Variants in ATL1 observed in about 807,000 individuals in gnomAD.
ATL1 encodes atlastin-1.
ATL1 carries 31 observed loss-of-function variants against 75.5 expected under a neutral mutation model. That is an observed-to-expected ratio of 0.41 (90% confidence interval 0.31 to 0.55). The LOEUF is 0.55. Ranked by LOEUF, ATL1 falls within the 20% of genes least tolerant of loss-of-function variation. ATL1 has a pLI of 0.27. For synonymous variants in ATL1, 226 were observed against 233.3 expected (o/e 0.97, Z 0.28); for missense variants, 405 against 662.6 (o/e 0.61, Z 4.27).
chr14:50,630,131 TAAC>T (rs1238261253), intron 13 of ATL1, 122 bp downstream of exon 13: 1 of 622,968 alleles, frequency 1.6e-6, no homozygotes, highest in Non-Finnish European at 2.6e-6. Flanking sequence ...TGGTGACTTC[TAAC>T]ATTTAAATTT....
In ATL1 at chr14:50,629,931, TA is replaced by T. The variant is rs1384339612; in HGVS notation, c.1552-62del. On this transcript the variant is annotated intron_variant, in intron 12 of 13. Coordinates refer to ENST00000358385, the MANE Select transcript of ATL1 (RefSeq NM_015915.5). ...TTAATATTGTAAGCAAAGTTGATTA[TA>T]ATGCTGTTAATAAAGCAGGATATAT... 1.6e-4 allele frequency: 198 copies of T among 1,276,406 alleles called. 1 individual carries two copies. The Admixed American group carries it at 3.9e-3, about 25-fold the overall frequency. 79.1% of individuals were successfully genotyped at this position (1,276,406 alleles called of 1,614,324 possible).
At chr14:50,547,655 G>C (rs192319402) in intron 1 of ATL1, among the ~76,000 whole-genome samples, 1 of 152,308 alleles carries the variant, frequency 6.6e-6, no homozygotes, top group Admixed American at 6.5e-5. Flanking sequence ...AAAGCCAAAT[G>C]GCACTTGGAA....
intron 1 of ATL1, among the ~76,000 whole-genome samples, chr14:50,547,208 A>G (rs2038644673): frequency 6.6e-6 from 1 of 152,268 alleles, no homozygotes; most frequent in Admixed American, 6.5e-5. Flanking sequence ...ATAAACTGCT[A>G]AAAACGAATG....
At chr14:50,564,560 A>G (rs2140179160) in intron 1 of ATL1, among the ~76,000 whole-genome samples, 1 of 145,982 alleles carries the variant, frequency 6.9e-6, no homozygotes, top group East Asian at 2.2e-4. Context: ...GAGGCAGGAG[A>G]ATCGCTTGAA....
intron 5 of ATL1, among the ~76,000 whole-genome samples, chr14:50,594,490 A>T (rs935869204): frequency 6.6e-6 from 1 of 152,152 alleles, no homozygotes; most frequent in African/African-American, 2.4e-5. Flanking sequence ...CAGACATTTA[A>T]AAAAAACACA....
Position 50,560,175 on chromosome 14 carries a change from C to A in ATL1, c.-91C>A. ...CTGAGCGAACTGCGCCCAGCGCGGG[C>A]ACGGAGCCTCCCACCGCCAGCAACC... On this transcript the variant is annotated 5_prime_UTR_variant, in exon 1 of 14. Coordinates refer to ENST00000358385, the MANE Select transcript of ATL1 (RefSeq NM_015915.5). 1 of 1,507,960 alleles carries A rather than the reference C, an allele frequency of 6.6e-7. No individual in the cohort carries two copies. Among genetic ancestry groups the A allele is most frequent in the Non-Finnish European group, 9.1e-7 (1 of 1,095,764 alleles). 93.4% of individuals were successfully genotyped at this position (1,507,960 alleles called of 1,614,324 possible). A position where few individuals can be genotyped will look rare whatever the true frequency, so the allele number is the denominator to read the frequency against.
intron 1 of ATL1, among the ~76,000 whole-genome samples, chr14:50,541,216 A>G (rs578200985): frequency 1.3e-5 from 2 of 152,368 alleles, no homozygotes; most frequent in Admixed American, 6.5e-5. Flanking sequence ...CTTCTGTTCT[A>G]TGATAGAGTA....
At chr14:50,570,538 G>C (rs570447559) in intron 1 of ATL1, among the ~76,000 whole-genome samples, 1 of 152,216 alleles carries the variant, frequency 6.6e-6, no homozygotes, top group East Asian at 1.9e-4. Context: ...ACCTTGCTCA[G>C]TGTGGAATTT....
At chr14:50,617,489 T>C (rs2039426459) in intron 8 of ATL1, among the ~76,000 whole-genome samples, 2 of 152,208 alleles carry the variant, frequency 1.3e-5, no homozygotes, top group Admixed American at 1.3e-4. Flanking sequence ...TGAGAATGCA[T>C]AGTCAAATGC....
upstream of ATL1, among the ~76,000 whole-genome samples, chr14:50,556,118 G>C (rs1367305031): frequency 6.6e-6 from 1 of 152,136 alleles, no homozygotes; most frequent in African/African-American, 2.4e-5. Context: ...CTTTTATTCT[G>C]ATTTAAAATG....
chr14:50,605,704 A>C (rs2039312013), intron 6 of ATL1, among the ~76,000 whole-genome samples: 1 of 152,072 alleles, frequency 6.6e-6, no homozygotes, highest in South Asian at 2.1e-4. Context: ...TTTAATAAAC[A>C]GCTGGATTAT....
chr14:50,540,586 A>G (rs1228786655), intron 1 of ATL1, among the ~76,000 whole-genome samples: 1 of 152,190 alleles, frequency 6.6e-6, no homozygotes, highest in Admixed American at 6.5e-5. Flanking sequence ...CTGGAGGTTA[A>G]TTGATATTAG....
In ATL1 at chr14:50,591,088, C is replaced by T; in HGVS notation, c.417+13C>T. 1 of 1,611,448 alleles carries T rather than the reference C, an allele frequency of 6.2e-7. No homozygotes were observed. Among genetic ancestry groups the T allele is most frequent in the Non-Finnish European group, 8.5e-7 (1 of 1,178,492 alleles). On this transcript the variant is annotated intron_variant, in intron 3 of 13. Transcript: ENST00000358385. ...TGATGGTAAAAAGGTATGATGCTAA[C>T]TTCCTAAATAAAATTGAGTTTTCAC...
At chr14:50,547,921 C>G (rs1036983390) in intron 1 of ATL1, among the ~76,000 whole-genome samples, 1 of 152,204 alleles carries the variant, frequency 6.6e-6, no homozygotes, top group African/African-American at 2.4e-5. Context: ...CCATCTATCA[C>G]AGTATAGTTG....
intron 6 of ATL1, among the ~76,000 whole-genome samples, chr14:50,609,116 A>G (rs2039340332): frequency 6.6e-6 from 1 of 152,038 alleles, no homozygotes; most frequent in South Asian, 2.1e-4. Context: ...ACTGACTTTC[A>G]GGCATAAAGG....
At chr14:50,536,832 C>T (rs549683082) in intron 1 of ATL1, among the ~76,000 whole-genome samples, 6 of 152,236 alleles carry the variant, frequency 3.9e-5, no homozygotes, top group African/African-American at 1.4e-4. Flanking sequence ...TTCTAAGCAG[C>T]AAAGCATTCA....
chr14:50,547,929 T>C (rs1322963709), intron 1 of ATL1, among the ~76,000 whole-genome samples: 1 of 152,204 alleles, frequency 6.6e-6, no homozygotes, highest in Non-Finnish European at 1.5e-5. Flanking sequence ...CACAGTATAG[T>C]TGCATAGTAC....
chr14:50,564,540 T>A (rs2038882716), intron 1 of ATL1, among the ~76,000 whole-genome samples: 1 of 148,020 alleles, frequency 6.8e-6, no homozygotes, highest in South Asian at 2.1e-4. Context: ...TCCCAGCTAC[T>A]CGGGAGGCTG....
chr14:50,631,624 G>T (rs1050440195), intron 13 of ATL1, among the ~76,000 whole-genome samples: 3 of 152,008 alleles, frequency 2.0e-5, no homozygotes, highest in Non-Finnish European at 2.9e-5. Flanking sequence ...ACAATAAGAG[G>T]TAGTTTTAAA....
Sources: allele counts gnomAD v4.1 joint callset (sites outside exome capture counted in the v4.1 genomes callset), GRCh38; gene constraint gnomAD v4.1.1; transcripts MANE v1.5; gene names NCBI Gene and HGNC (gene_info 2026-07-23, HGNC 2026-07-21).